The following ATP6AP2 variants were observed in gnomAD, a reference collection of about 807,000 sequenced individuals.
ATP6AP2 encodes ATPase H+ transporting accessory protein 2.
Under a neutral mutation model 23.4 loss-of-function variants are expected in ATP6AP2, and 1 was observed. That is an observed-to-expected ratio of 0.04 (90% CI 0.02 to 0.20). ATP6AP2 has a LOEUF of 0.20. Ranked by LOEUF, ATP6AP2 falls within the 10% of genes least tolerant of loss-of-function variation. The pLI is 1.00. For synonymous variants in ATP6AP2, 90 were observed against 97.1 expected (o/e 0.93, Z 0.43); for missense variants, 174 against 271.3 (o/e 0.64, Z 2.52).
chrX:40,591,035 A>T, intron 2 of ATP6AP2, 199 bp from the exon 3 acceptor site: 1 of 438,004 alleles, frequency 2.3e-6, no homozygotes, highest in Non-Finnish European at 3.8e-6. Context: ...GTAAAATTTT[A>T]AGAAAATGAA....
In ATP6AP2 at chrX:40,605,933, G is replaced by A. The variant is rs1336300515; in HGVS notation, c.*178G>A. The stretch of plus-strand genomic sequence containing the variant: ...TTCTAGAGTGAATTATAGTATTGAC[G>A]TGAATCCCACTGTGGTATAGATTCC... On this transcript the variant is annotated 3_prime_UTR_variant, in exon 9 of 9. Coordinates refer to ENST00000636580, the MANE Select transcript of ATP6AP2 (RefSeq NM_005765.3). The A allele has an allele frequency of 9.0e-6, 4 of 442,697 alleles. No homozygotes were observed. Among genetic ancestry groups the A allele is most frequent in the Admixed American group, 4.1e-5 (1 of 24,435 alleles). The allele number at this position is 442,697 out of a possible 1,213,427, so 36.5% of individuals were successfully genotyped here.
intron 1 of ATP6AP2, among the ~76,000 whole-genome samples, chrX:40,587,535 C>T (rs1485904538): frequency 1.8e-5 from 2 of 112,393 alleles, no homozygotes; most frequent in African/African-American, 6.5e-5. Context: ...GTCAATACTG[C>T]AACACCAAAA....
In ATP6AP2 at chrX:40,585,002, C is replaced by T. The variant is rs1387778051; in HGVS notation, c.37+3900C>T. ...TCAAGTGATCCGCCTGTCTTGGCCT[C>T]CCAAAGTGCTGGGATTACAGGTGTG... On this transcript the variant is annotated intron_variant, in intron 1 of 8. Transcript: ENST00000636580. 6.2e-5 allele frequency among the ~76,000 whole-genome samples: 7 copies of T among 112,221 alleles called. No homozygotes were observed. In the South Asian group the frequency reaches 2.6e-3, roughly 41 times the overall value.
chrX:40,584,060 G>A (rs1390727549), intron 1 of ATP6AP2, among the ~76,000 whole-genome samples: 1 of 111,704 alleles, frequency 9.0e-6, no homozygotes, highest in East Asian at 2.8e-4. Context: ...GAATGTACTA[G>A]AAATTCCATT....
At chrX:40,599,811 T>G (rs1602403161) in intron 7 of ATP6AP2, 70 bp downstream of exon 7, 1 of 1,161,125 alleles carries the variant, frequency 8.6e-7, no homozygotes, top group East Asian at 3.0e-5. Context: ...TAGAAAAATC[T>G]GCTGTTTCAA....
chrX:40,599,399 G>T (rs183384906), intron 6 of ATP6AP2, 193 bp from the exon 7 acceptor site: 6 of 457,243 alleles, frequency 1.3e-5, no homozygotes, highest in South Asian at 9.4e-5. Context: ...CATGAGATTC[G>T]TGTTGGATTT....
At chrX:40,600,082 T>TCAC in intron 7 of ATP6AP2, 1 of 240,235 alleles carries the variant, frequency 4.2e-6, no homozygotes, top group South Asian at 4.9e-5. Flanking sequence ...TGTACAACCA[T>TCAC]CACCATCTTC....
intron 8 of ATP6AP2, among the ~76,000 whole-genome samples, chrX:40,602,292 A>G (rs938409655): frequency 1.0e-5 from 1 of 99,612 alleles, no homozygotes; most frequent in African/African-American, 4.6e-5. Flanking sequence ...AAATAAAAAA[A>G]AAATTACAAA....
rs369015249 is a variant in ATP6AP2, at chrX:40,597,514, A to G, written c.397-13A>G. 9.5e-5 allele frequency: 115 copies of G among 1,207,812 alleles called. No homozygotes were observed. Among genetic ancestry groups the G allele is most frequent in the Non-Finnish European group, 9.9e-5 (88 of 893,062 alleles). ...GAATTTGAGCAACTTAAAATTTTCT[A>G]TTCTTCTTACAGAGAGTGTATATGG... On this transcript the variant is annotated splice_polypyrimidine_tract_variant and intron_variant, in intron 4 of 8. Transcript: ENST00000636580.
At chrX:40,593,996 T>A (rs1926714828) in intron 3 of ATP6AP2, among the ~76,000 whole-genome samples, 1 of 111,744 alleles carries the variant, frequency 8.9e-6, no homozygotes, top group African/African-American at 3.3e-5. Flanking sequence ...GCTTTAGTGA[T>A]CTATTGCACA....
At chrX:40,595,107 A>T (rs1299645392) in intron 3 of ATP6AP2, among the ~76,000 whole-genome samples, 2 of 112,318 alleles carry the variant, frequency 1.8e-5, no homozygotes, top group Non-Finnish European at 3.8e-5. Context: ...ATAAAAATCC[A>T]AAATGCCATT....
rs1187305795 is a variant in ATP6AP2, at chrX:40,605,626, C to T, written c.924C>T (p.Asn308=). Residue 308 remains asparagine (N), a synonymous_variant, in exon 9 of 9, where the codon AAC becomes AAT. Coordinates refer to ENST00000636580, the MANE Select transcript of ATP6AP2 (RefSeq NM_005765.3). ...ATTTTGAATATTCCGTGGTTTTCAACATGGTACTTTGGATAATGATCGCCT... is the reference window on the plus strand; with the variant it reads ...ATTTTGAATATTCCGTGGTTTTCAATATGGTACTTTGGATAATGATCGCCT... The part of the protein sequence containing the change: ...KYNFEYSVVF[N]MVLWIMIALA... 3 of 1,209,181 alleles carry T rather than the reference C, an allele frequency of 2.5e-6. No homozygotes were observed. In the East Asian group the frequency reaches 8.9e-5, roughly 36 times the overall value.
chrX:40,584,742 G>T (rs1926422360), intron 1 of ATP6AP2, among the ~76,000 whole-genome samples: 1 of 110,873 alleles, frequency 9.0e-6, no homozygotes, highest in South Asian at 3.9e-4. Flanking sequence ...GAGTAGCTGG[G>T]ACTACAGGCA....
chrX:40,605,223 C>T (rs1034725848), intron 8 of ATP6AP2: 8 of 202,933 alleles, frequency 3.9e-5, no homozygotes, highest in Admixed American at 1.4e-4. Context: ...AGCCACTGTG[C>T]CCAGCCTTGC....
intron 8 of ATP6AP2, 48 bp downstream of exon 8, chrX:40,600,929 T>TAAAA (rs755257243): frequency 2.0e-6 from 2 of 1,001,894 alleles, no homozygotes; most frequent in Admixed American, 3.3e-5. Context: ...ATTAACTTCT[T>TAAAA]ATAAAAAAAA....
chrX:40,602,277 G>A (rs757705555), intron 8 of ATP6AP2, among the ~76,000 whole-genome samples: 2 of 97,706 alleles, frequency 2.0e-5, no homozygotes, highest in Admixed American at 2.3e-4. Context: ...GCAAGACTCC[G>A]TCTCAAATAA....
Position 40,604,727 on chromosome X carries a change from G to A in ATP6AP2, c.859-834G>A, listed in dbSNP as rs775039486. Reference sequence around the variant, plus strand: ...TTTTCTTTACAGATTGACTGCATATGTATTTGTTCTTAAACAGTGTTGTTT... The same window carrying A: ...TTTTCTTTACAGATTGACTGCATATATATTTGTTCTTAAACAGTGTTGTTT... On this transcript the variant is annotated intron_variant, in intron 8 of 8. Transcript: ENST00000636580. Among the ~76,000 whole-genome samples the A allele has an allele frequency of 7.2e-5, 8 of 111,590 alleles. No homozygotes were observed. In the East Asian group the frequency reaches 1.7e-3, roughly 24 times the overall value.
At position 40,605,996 on chromosome X, in the gene ATP6AP2, A is replaced by G; in HGVS notation, c.*241A>G. The stretch of plus-strand genomic sequence containing the variant: ...AATATTATGATATAGCCATTTAATA[A>G]CATTGATTTCATTCTGTTTAATGAA... On this transcript the variant is annotated 3_prime_UTR_variant, in exon 9 of 9. Coordinates refer to ENST00000636580, the MANE Select transcript of ATP6AP2 (RefSeq NM_005765.3). 1 of 343,161 alleles carries G rather than the reference A, an allele frequency of 2.9e-6. No homozygotes were observed. The highest frequency in any genetic ancestry group is 5.1e-6 in the Non-Finnish European group (1 of 197,933). The allele number at this position is 343,161 out of a possible 1,213,427, so 28.3% of individuals were successfully genotyped here.
rs1221561045 is a variant in ATP6AP2, at chrX:40,592,947, A to G, written c.300+1582A>G. On this transcript the variant is annotated intron_variant, in intron 3 of 8. Transcript: ENST00000636580. ...AATCTGAAAATAATAATAAAATGAT[A>G]TCTTAAAAGGGTATTTGGAGCCCGG... Among the ~76,000 whole-genome samples, 6 of 111,997 alleles carry G rather than the reference A, an allele frequency of 5.4e-5. No individual in the cohort carries two copies. The Admixed American group carries it at 5.7e-4, about 11-fold the overall frequency.
Sources: gnomAD v4.1 joint callset for allele counts (sites outside exome capture counted in the v4.1 genomes callset) on GRCh38, gnomAD v4.1.1 for gene constraint, MANE v1.5 for transcripts, NCBI Gene and HGNC (gene_info 2026-07-23, HGNC 2026-07-21) for gene names.